The following MROH1 variants were observed in gnomAD, a reference collection of about 807,000 sequenced individuals.
The protein encoded by MROH1 is maestro heat-like repeat-containing protein family member 1.
Under a neutral mutation model 116.5 loss-of-function variants are expected in MROH1, and 117 were observed. The ratio of observed to expected loss-of-function variants is 1.00; its 90% confidence interval spans 0.86 to 1.17. MROH1 has a LOEUF of 1.17. MROH1 is among the 50% of genes most tolerant of loss of function. The probability of loss-of-function intolerance (pLI) is 0.00; values close to 1 mark genes in which losing one functional copy is unlikely to be tolerated. For missense variants in MROH1, 1,873 were observed against 1,338.5 expected (o/e 1.40, Z -6.23); for synonymous variants, 921 against 583.9 (o/e 1.58, Z -8.32).
intron 5 of MROH1, 137 bp downstream of exon 5, chr8:144,179,723 C>A: frequency 9.0e-7 from 1 of 1,116,806 alleles, no homozygotes; most frequent in Non-Finnish European, 1.3e-6. Context: ...GCCCTTCGGT[C>A]TCATGCATCA....
At chr8:144,248,856 C>T in intron 31 of MROH1, 21 bp from the exon 32 acceptor site, 1 of 777,110 alleles carries the variant, frequency 1.3e-6, no homozygotes, top group Non-Finnish European at 2.4e-6. Flanking sequence ...CCCTCAACCT[C>T]TGGCATCGCC....
chr8:144,214,186 T>C (rs1216476222), intron 12 of MROH1: 3 of 152,228 alleles, frequency 2.0e-5, no homozygotes, highest in Admixed American at 6.6e-5. Context: ...GAATCATCTT[T>C]CTGTGGCTCC....
chr8:144,198,543 G>A (rs1435772387), intron 10 of MROH1, among the ~76,000 whole-genome samples: 1 of 152,174 alleles, frequency 6.6e-6, no homozygotes, highest in African/African-American at 2.4e-5. Context: ...TCAGCCTCCT[G>A]AGTAGCTGGG....
At chr8:144,197,227 G>A (rs1830110477) in intron 10 of MROH1, among the ~76,000 whole-genome samples, 1 of 152,084 alleles carries the variant, frequency 6.6e-6, no homozygotes, top group African/African-American at 2.4e-5. Context: ...CCTGGGCCGT[G>A]CCATCTGAAG....
chr8:144,162,178 G>T (rs1177423809), intron 2 of MROH1, among the ~76,000 whole-genome samples: 10 of 149,784 alleles, frequency 6.7e-5, no homozygotes, highest in African/African-American at 2.2e-4. Context: ...TCCACCTCCC[G>T]GGTGCAAGTG....
chr8:144,221,139 C>T (rs1249954218), intron 13 of MROH1, among the ~76,000 whole-genome samples: 3 of 152,166 alleles, frequency 2.0e-5, no homozygotes, highest in Admixed American at 1.3e-4. Flanking sequence ...CAATGTGGGT[C>T]ACAGAGCATC....
At chr8:144,175,856 C>A (rs1235840325) in intron 4 of MROH1, among the ~76,000 whole-genome samples, 2 of 152,098 alleles carry the variant, frequency 1.3e-5, no homozygotes, top group Non-Finnish European at 2.9e-5. Context: ...TGAGACCAAC[C>A]TGGCCAACAT....
intron 1 of MROH1, among the ~76,000 whole-genome samples, chr8:144,149,998 A>G (rs1816336737): frequency 6.6e-6 from 1 of 152,008 alleles, no homozygotes; most frequent in South Asian, 2.1e-4. Context: ...TGGGTGGGGC[A>G]TTCTGTGACC....
chr8:144,200,354 G>A, intron 11 of MROH1, 74 bp from the exon 12 acceptor site: 1 of 1,209,166 alleles, frequency 8.3e-7, no homozygotes, highest in Non-Finnish European at 1.2e-6. Context: ...CCCCTGTGCT[G>A]GAGAGTAGGT....
chr8:144,224,442 T>C (rs1266353479), intron 14 of MROH1, among the ~76,000 whole-genome samples: 1 of 151,892 alleles, frequency 6.6e-6, no homozygotes, highest in Non-Finnish European at 1.5e-5. Flanking sequence ...AATTTTTTAT[T>C]TTTTGTAGAG....
intron 14 of MROH1, among the ~76,000 whole-genome samples, chr8:144,225,919 T>TTG (rs1380912299): frequency 1.4e-5 from 2 of 144,810 alleles, no homozygotes; most frequent in Admixed American, 6.9e-5. Flanking sequence ...AGTTTTTTTT[T>TTG]TTTTTTTTTT....
At chr8:144,170,246 G>C (rs1822105439) in intron 4 of MROH1, among the ~76,000 whole-genome samples, 1 of 152,212 alleles carries the variant, frequency 6.6e-6, no homozygotes, top group South Asian at 2.1e-4. Context: ...GTCCTCCTCT[G>C]AGCCCCAGCC....
At chr8:144,197,163 G>A (rs866195264) in intron 10 of MROH1, among the ~76,000 whole-genome samples, 51 of 152,118 alleles carry the variant, frequency 3.4e-4, no homozygotes, top group African/African-American at 1.1e-3. Flanking sequence ...AGCAGCTCAG[G>A]GGGTCGCTCC....
rs894929933 is a variant in MROH1, at chr8:144,249,175, C to A, written c.3273+146C>A. On this transcript the variant is annotated intron_variant, in intron 32 of 43. Transcript: ENST00000326134. Reference sequence around the variant, plus strand: ...GAGGCTGGCCCTGGCCTGTCCTGGACCACCCTGCCCAGCCCTCCTCGGGTG... The same window carrying A: ...GAGGCTGGCCCTGGCCTGTCCTGGAACACCCTGCCCAGCCCTCCTCGGGTG... 6 of 655,636 alleles carry A rather than the reference C, an allele frequency of 9.2e-6. No homozygotes were observed. The African/African-American group carries it at 1.1e-4, about 12-fold the overall frequency. 40.6% of individuals were successfully genotyped at this position (655,636 alleles called of 1,614,324 possible). A position where few individuals can be genotyped will look rare whatever the true frequency, so the allele number is the denominator to read the frequency against.
In MROH1 at chr8:144,191,723, T is replaced by C. The variant is rs201325830; in HGVS notation, c.723T>C (p.Leu241=). Residue 241 remains leucine (L), a synonymous_variant, in exon 9 of 44, where the codon CTT becomes CTC. Transcript: ENST00000326134. ...WLQSREAKLR[L]AVVEALGPMS... ...CCACTGTCCCCTCTCAGCTCCGTCT[T>C]GCCGTGGTGGAGGCTCTGGGGCCTA... is the stretch of plus-strand genomic sequence containing the variant. 6.2e-7 allele frequency: 1 copy of C among 1,612,712 alleles called. No homozygotes were observed. The highest frequency in any genetic ancestry group is 1.3e-5 in the African/African-American group (1 of 75,038).
At chr8:144,249,542 C>T (rs1413900376) in intron 32 of MROH1, among the ~76,000 whole-genome samples, 5 of 152,128 alleles carry the variant, frequency 3.3e-5, no homozygotes, top group Admixed American at 6.5e-5. Flanking sequence ...AGCAGGGAGC[C>T]CCCTCGTGAC....
intron 35 of MROH1, among the ~76,000 whole-genome samples, chr8:144,258,339 G>A (rs1377520370): frequency 6.6e-6 from 1 of 152,244 alleles, no homozygotes; most frequent in East Asian, 1.9e-4. Context: ...GAGTGGATCA[G>A]GGGCCTGCTC....
intron 7 of MROH1, among the ~76,000 whole-genome samples, chr8:144,183,292 G>T (rs1285998733): frequency 6.6e-6 from 1 of 150,962 alleles, no homozygotes; most frequent in Admixed American, 6.6e-5. Flanking sequence ...GAGGCAGGAG[G>T]ATTGCTTGAC....
At chr8:144,240,036 G>A (rs1840701672) in intron 18 of MROH1, 65 bp from the exon 19 acceptor site, 2 of 741,402 alleles carry the variant, frequency 2.7e-6, no homozygotes, top group Non-Finnish European at 2.5e-6. Context: ...TCCAGGGCAG[G>A]TGCTGGGCTC....
Sources: gnomAD v4.1 joint callset for allele counts (sites outside exome capture counted in the v4.1 genomes callset) on GRCh38, gnomAD v4.1.1 for gene constraint, MANE v1.5 for transcripts, NCBI Gene and HGNC (gene_info 2026-07-23, HGNC 2026-07-21) for gene names.